Variants in ERBB4 observed in about 807,000 individuals in gnomAD.
The protein encoded by ERBB4 is erb-b2 receptor tyrosine kinase 4.
A neutral mutation model predicts 158.0 loss-of-function variants in ERBB4; 42 were observed. The observed-to-expected ratio is 0.27, with a 90% confidence interval of 0.21 to 0.34. The LOEUF is 0.34. ERBB4 is among the 10% of genes least tolerant of loss of function. The pLI, the probability that ERBB4 is intolerant of heterozygous loss-of-function variation, is 1.00. For missense variants in ERBB4, 1,333 were observed against 1,624.1 expected, an observed-to-expected ratio of 0.82 and a Z score of 3.08; for synonymous variants, 583 against 558.7, an observed-to-expected ratio of 1.04 and a Z score of -0.61.
rs71424498 is a variant in ERBB4 at position 212,536,982 on chromosome 2, G to T, written c.82+1467C>A. On this transcript the variant is annotated intron_variant, in intron 1 of 27. Coordinates refer to ENST00000342788, the MANE Select transcript of ERBB4 (RefSeq NM_005235.3). ...TCAAGTCCGTGTTGGTGTGATTCCG[G>T]AGGTGGCTGGAGCGCGGGACCTGGT... 2.0e-5 allele frequency among the ~76,000 whole-genome samples: 3 copies of T among 152,126 alleles called. No individual in the cohort carries two copies. The South Asian group carries it at 6.2e-4, about 32-fold the overall frequency.
At chr2:211,909,576 C>A (rs900621947) in intron 3 of ERBB4, among the ~76,000 whole-genome samples, 6 of 151,682 alleles carry the variant, frequency 4.0e-5, no homozygotes, top group African/African-American at 1.4e-4. Context: ...TGTATCTAAT[C>A]ATAGAAAAAG....
At chr2:212,327,009 G>A (rs957895017) in intron 1 of ERBB4, among the ~76,000 whole-genome samples, 4 of 150,608 alleles carry the variant, frequency 2.7e-5, no homozygotes, top group Non-Finnish European at 6.0e-5. Context: ...AATAGCCTTG[G>A]TACCTTATAA....
chr2:211,580,339 A>G (rs2068028765), intron 19 of ERBB4, among the ~76,000 whole-genome samples: 1 of 152,180 alleles, frequency 6.6e-6, no homozygotes, highest in Non-Finnish European at 1.5e-5. Flanking sequence ...GGCTAAGGAC[A>G]CGAATAGACA....
At position 212,149,181 on chromosome 2, in the gene ERBB4, T is replaced by A. The variant is rs565102722; in HGVS notation, c.83-24278A>T. Among the ~76,000 whole-genome samples, 1,004 of 152,128 alleles carry A rather than the reference T, an allele frequency of 6.6e-3. 6 individuals carry two copies. Among genetic ancestry groups the A allele is most frequent in the Middle Eastern group, 0.024 (7 of 294 alleles). ...AAAATATAATAATTAAAAAAAAATT[T>A]TAAAAAATTTGATTTTCTAAATTCA... On this transcript the variant is annotated intron_variant, in intron 1 of 27. Coordinates refer to ENST00000342788, the MANE Select transcript of ERBB4 (RefSeq NM_005235.3).
At chr2:211,387,905 GA>G in intron 26 of ERBB4, 39 bp downstream of exon 26, 1 of 1,521,068 alleles carries the variant, frequency 6.6e-7, no homozygotes, top group Non-Finnish European at 9.1e-7. Flanking sequence ...AGCAAAGACC[GA>G]AAATCCTAAA....
chr2:211,592,746 T>G (rs911393816), intron 19 of ERBB4, among the ~76,000 whole-genome samples: 1 of 152,160 alleles, frequency 6.6e-6, no homozygotes. Context: ...GCATGGTGGC[T>G]GACGCCTGTA....
intron 19 of ERBB4, 104 bp downstream of exon 19, chr2:211,619,073 G>C: frequency 2.8e-6 from 2 of 727,190 alleles, no homozygotes; most frequent in Non-Finnish European, 5.0e-6. Context: ...ATTTCCATAA[G>C]AGAAATTTGT....
intron 1 of ERBB4, among the ~76,000 whole-genome samples, chr2:212,387,060 T>G (rs1344924014): frequency 6.6e-6 from 1 of 152,094 alleles, no homozygotes; most frequent in Non-Finnish European, 1.5e-5. Context: ...AATCACCTTT[T>G]CTTTTCCTTC....
In ERBB4 at chr2:211,928,590, C is replaced by T. The variant is rs184127284; in HGVS notation, c.421+18840G>A. 1.1e-4 allele frequency among the ~76,000 whole-genome samples: 17 copies of T among 152,240 alleles called. No homozygotes were observed. The East Asian group carries it at 2.5e-3, about 22-fold the overall frequency. ...GAAGAAAGAGCACGCCTTTTACCAT[C>T]GGGCCTTCAAGATACATTCATTCTT... On this transcript the variant is annotated intron_variant, in intron 3 of 27. Transcript: ENST00000342788.
At chr2:211,959,070 C>T (rs1285143073) in intron 2 of ERBB4, among the ~76,000 whole-genome samples, 1 of 152,020 alleles carries the variant, frequency 6.6e-6, no homozygotes, top group African/African-American at 2.4e-5. Context: ...ACTTTTCTTC[C>T]TCAAAAAAGT....
intron 1 of ERBB4, among the ~76,000 whole-genome samples, chr2:212,418,928 T>G (rs2091724818): frequency 6.6e-6 from 1 of 151,936 alleles, no homozygotes; most frequent in African/African-American, 2.4e-5. Context: ...TTAAGTTTAT[T>G]AAATACTGAA....
chr2:211,832,899 G>A (rs983177625), intron 3 of ERBB4, among the ~76,000 whole-genome samples: 1 of 146,042 alleles, frequency 6.8e-6, no homozygotes, highest in Non-Finnish European at 1.5e-5. Context: ...TTATATATAT[G>A]TTTGCAGGTG....
chr2:211,883,300 G>A (rs1404439058), intron 3 of ERBB4, among the ~76,000 whole-genome samples: 1 of 152,110 alleles, frequency 6.6e-6, no homozygotes, highest in East Asian at 1.9e-4. Flanking sequence ...CCTGTTGTGG[G>A]GTGGGTGGAG....
Position 212,365,415 on chromosome 2 carries a change from A to G in ERBB4, c.82+173034T>C, listed in dbSNP as rs150333875. 3.0e-3 allele frequency among the ~76,000 whole-genome samples: 457 copies of G among 151,876 alleles called. 4 individuals are homozygous for G. Among genetic ancestry groups the G allele is most frequent in the African/African-American group, 0.01 (420 of 41,510 alleles). On this transcript the variant is annotated intron_variant, in intron 1 of 27. Coordinates refer to ENST00000342788, the MANE Select transcript of ERBB4 (RefSeq NM_005235.3). ...GAAGCAAGTAAAGAAAATTATAACA[A>G]TCCTAAAATGAAATTATAGAAAGTG... is the stretch of plus-strand genomic sequence containing the variant.
chr2:212,014,974 C>T (rs2076474470), intron 2 of ERBB4, among the ~76,000 whole-genome samples: 1 of 144,290 alleles, frequency 6.9e-6, no homozygotes, highest in African/African-American at 2.6e-5. Flanking sequence ...GGATGGATCA[C>T]GAGGTAAGGA....
intron 3 of ERBB4, among the ~76,000 whole-genome samples, chr2:211,855,379 T>C (rs1310970775): frequency 6.6e-6 from 1 of 152,206 alleles, no homozygotes; most frequent in East Asian, 1.9e-4. Flanking sequence ...TCATAATTAG[T>C]GGATTGGTAT....
chr2:211,876,557 G>C (rs138426024), intron 3 of ERBB4, among the ~76,000 whole-genome samples: 6 of 151,964 alleles, frequency 3.9e-5, no homozygotes, highest in African/African-American at 1.4e-4. Flanking sequence ...CTGTGTGTTC[G>C]GTGAGAAAAA....
intron 3 of ERBB4, among the ~76,000 whole-genome samples, chr2:211,919,926 C>T (rs764786753): frequency 6.6e-6 from 1 of 151,942 alleles, no homozygotes; most frequent in African/African-American, 2.4e-5. Flanking sequence ...ATAAAATACA[C>T]AATATTTAAA....
chr2:212,047,566 G>C (rs1214046986), intron 2 of ERBB4, among the ~76,000 whole-genome samples: 1 of 151,812 alleles, frequency 6.6e-6, no homozygotes, highest in Admixed American at 6.6e-5. Context: ...TCTGCCTCTT[G>C]GGTTCAAGCA....
Sources: gnomAD v4.1 joint callset for allele counts (sites outside exome capture counted in the v4.1 genomes callset) on GRCh38, gnomAD v4.1.1 for gene constraint, MANE v1.5 for transcripts, NCBI Gene and HGNC (gene_info 2026-07-23, HGNC 2026-07-21) for gene names.